The following SMN1 variants were observed in gnomAD, a reference collection of about 807,000 sequenced individuals.
SMN1 encodes the protein survival motor neuron protein.
For synonymous variants in SMN1, 3 were observed against 5.1 expected (o/e 0.58, Z 0.56); for missense variants, 15 against 17.1 (o/e 0.88, Z 0.22).
chr5:70,957,569 G>A (rs1421372046), downstream of SMN1, among the ~76,000 whole-genome samples: 22 of 147,474 alleles, frequency 1.5e-4, 1 homozygote, highest in Non-Finnish European at 2.7e-4. Context: ...CATCTATTGA[G>A]ATAATCATGT....
At chr5:70,960,592 C>T in the SMN1 span, among the ~76,000 whole-genome samples, 35 of 142,912 alleles carry the variant, frequency 2.4e-4, no homozygotes, top group African/African-American at 7.1e-4. Context: ...AAGGTGCATG[C>T]GGGCTGTGAG....
intron 7 of SMN1, among the ~76,000 whole-genome samples, chr5:70,951,436 G>T (rs1749728009): frequency 6.6e-6 from 1 of 151,864 alleles, no homozygotes. Flanking sequence ...ACCATGCCTG[G>T]CTAATTTTTT....
At chr5:70,950,806 T>C (rs1285769675) in intron 7 of SMN1, among the ~76,000 whole-genome samples, 1 of 145,466 alleles carries the variant, frequency 6.9e-6, no homozygotes, top group Non-Finnish European at 1.5e-5. Context: ...ACCCGGCTAA[T>C]TTTTTTGTGT....
chr5:70,952,224 A>G, intron 8 of SMN1: 2 of 1,494,104 alleles, frequency 1.3e-6, no homozygotes, highest in Non-Finnish European at 1.8e-6. Context: ...GAAGAAACAT[A>G]CTTTCACAAT....
chr5:70,951,669 T>TC (rs1203644630), intron 7 of SMN1, among the ~76,000 whole-genome samples: 2 of 148,036 alleles, frequency 1.4e-5, no homozygotes, highest in African/African-American at 5.0e-5. Context: ...TCTCAAGTGA[T>TC]CCCCCTACCT....
At chr5:70,957,423 T>C (rs1384720201), downstream of SMN1, among the ~76,000 whole-genome samples, 110 of 142,148 alleles carry the variant, frequency 7.7e-4, 1 homozygote, top group African/African-American at 2.7e-3. Context: ...TTCCAGTTTT[T>C]GCCCATTCAG....
chr5:70,955,794 GTAAT>G (rs1191740190), downstream of SMN1, among the ~76,000 whole-genome samples: 2 of 144,862 alleles, frequency 1.4e-5, no homozygotes, highest in Non-Finnish European at 3.0e-5. Flanking sequence ...AAGAAAAAAA[GTAAT>G]TAAGTTCTGT....
chr5:70,960,043 C>T, the SMN1 span, among the ~76,000 whole-genome samples: 1 of 145,932 alleles, frequency 6.9e-6, no homozygotes, highest in African/African-American at 2.5e-5. Flanking sequence ...GCAAAATAGC[C>T]AATAATTTAT....
chr5:70,959,187 A>G, the SMN1 span, among the ~76,000 whole-genome samples: 3 of 149,006 alleles, frequency 2.0e-5, no homozygotes, highest in South Asian at 2.2e-4. Flanking sequence ...GTTCTCACTC[A>G]TAGGTGGGAA....
chr5:70,951,159 T>A (rs1401664673), intron 7 of SMN1, among the ~76,000 whole-genome samples: 1 of 151,658 alleles, frequency 6.6e-6, no homozygotes, highest in Admixed American at 6.6e-5. Flanking sequence ...AAGGGCACAT[T>A]CACAGCTCAC....
chr5:70,944,326 TTTAG>T (rs1749504173), intron 5 of SMN1: 1 of 293,084 alleles, frequency 3.4e-6, no homozygotes, highest in East Asian at 9.2e-5. Flanking sequence ...AAATATACAA[TTTAG>T]TTAATGAAAT....
chr5:70,951,512 T>C (rs1749734481), intron 7 of SMN1, among the ~76,000 whole-genome samples: 1 of 151,256 alleles, frequency 6.6e-6, no homozygotes, highest in African/African-American at 2.4e-5. Flanking sequence ...TGAGCTCAGG[T>C]GATCCAACTG....
intron 7 of SMN1, among the ~76,000 whole-genome samples, chr5:70,951,494 C>G (rs1436170239): frequency 2.0e-5 from 3 of 151,528 alleles, no homozygotes; most frequent in African/African-American, 7.3e-5. Context: ...AGGCTGTTCT[C>G]GAACTCCTGA....
At chr5:70,950,565 T>C (rs1749669548) in intron 7 of SMN1, among the ~76,000 whole-genome samples, 1 of 146,910 alleles carries the variant, frequency 6.8e-6, no homozygotes, top group South Asian at 2.1e-4. Context: ...GTGATTCTCC[T>C]GCCTCAGCTT....
downstream of SMN1, among the ~76,000 whole-genome samples, chr5:70,957,225 A>T (rs1269098053): frequency 2.7e-5 from 2 of 74,594 alleles, no homozygotes; most frequent in East Asian, 7.3e-4. Flanking sequence ...GGCTGAGACA[A>T]TGGGGTTTTC....
At chr5:70,950,198 A>C (rs1749645418) in intron 7 of SMN1, among the ~76,000 whole-genome samples, 1 of 149,978 alleles carries the variant, frequency 6.7e-6, no homozygotes, top group Non-Finnish European at 1.5e-5. Context: ...CGGGTGAATC[A>C]CCTGAAGTCG....
In SMN1 at chr5:70,944,693, G is replaced by GCCACCA. The variant is rs1215894449; in HGVS notation, c.672_677dup (p.Pro225_Pro226dup). The GCCACCA allele has an allele frequency of 9.2e-6, 1 of 108,770 alleles. No individual in the cohort carries two copies. The highest frequency in any genetic ancestry group is 1.6e-5 in the Non-Finnish European group (1 of 63,270). The allele number at this position is 108,770 out of a possible 1,614,324, so 6.7% of individuals were successfully genotyped here. ...AATTCAATGGCCCACCACCGCCACC[G>GCCACCA]CCACCACCACCACCCCACTTACTAT... On this transcript the variant is annotated inframe_insertion, in exon 6 of 9. Coordinates refer to ENST00000380707, the MANE Select transcript of SMN1 (RefSeq NM_000344.4).
chr5:70,950,399 A>G (rs2112823501), intron 7 of SMN1, among the ~76,000 whole-genome samples: 1 of 149,250 alleles, frequency 6.7e-6, no homozygotes, highest in South Asian at 2.1e-4. Context: ...CCTGGGCAAC[A>G]AGAGCGAAAC....
intron 5 of SMN1, among the ~76,000 whole-genome samples, chr5:70,943,754 C>A (rs1326211669): frequency 7.3e-6 from 1 of 137,582 alleles, no homozygotes; most frequent in Non-Finnish European, 1.6e-5. Context: ...TTGTGTAAAG[C>A]GGTGATTTCT....
Sources: allele counts gnomAD v4.1 joint callset (sites outside exome capture counted in the v4.1 genomes callset), GRCh38; gene constraint gnomAD v4.1.1; transcripts MANE v1.5; gene names NCBI Gene and HGNC (gene_info 2026-07-23, HGNC 2026-07-21).